AMPD2: variants seen among roughly 807,000 people sequenced by gnomAD.
AMPD2 encodes the protein AMP deaminase 2.
AMPD2 carries 52 observed loss-of-function variants against 91.3 expected under a neutral mutation model. The ratio of observed to expected loss-of-function variants is 0.57; its 90% CI spans 0.46 to 0.72. The LOEUF (loss-of-function observed/expected upper bound fraction) is 0.72, where lower values mean the gene tolerates loss of function less well. Among genes scored for constraint, AMPD2 ranks in the 30% least tolerant of loss-of-function variants. AMPD2 has a pLI of 0.00. For missense variants in AMPD2, 822 were observed against 1,122.3 expected, an observed-to-expected ratio of 0.73 and a Z score of 3.82; for synonymous variants, 455 against 456.4, an observed-to-expected ratio of 1.00 and a Z score of 0.04.
intron 2 of AMPD2, chr1:109,622,290 G>C (rs1218069020): frequency 4.4e-6 from 2 of 456,328 alleles, no homozygotes; most frequent in Non-Finnish European, 8.8e-6. Flanking sequence ...GCCCTGTTTG[G>C]TTCAGCAATA....
chr1:109,626,072 T>A (rs1650652414), intron 4 of AMPD2, 88 bp from the exon 5 acceptor site: 27 of 1,414,514 alleles, frequency 1.9e-5, no homozygotes, highest in Non-Finnish European at 2.6e-5. Context: ...TGTGACAACA[T>A]GTGCACAGCA....
rs778629440 is a variant in AMPD2, at chr1:109,624,374, C to T, written c.92-929C>T. Among the ~76,000 whole-genome samples the T allele has an allele frequency of 1.3e-5, 2 of 152,186 alleles. No individual in the cohort carries two copies. Among genetic ancestry groups the T allele is most frequent in the Non-Finnish European group, 2.9e-5 (2 of 68,018 alleles). On this transcript the variant is annotated intron_variant, in intron 2 of 18. Transcript: ENST00000528667. This position sits in a 1 kb window ranked among gnomAD's most constrained non-coding sequence, Gnocchi z 5.2. ...GCTGCTGAGCCCAGGGAGGGTCCTT[C>T]GGGGTAGGCTGGAAGCCTTGGCAGC...
At chr1:109,622,020 T>A (rs1650313983) in intron 2 of AMPD2, among the ~76,000 whole-genome samples, 1 of 152,236 alleles carries the variant, frequency 6.6e-6, no homozygotes, top group East Asian at 1.9e-4. Context: ...CCTGGCTCTG[T>A]GCTTGCAGAG....
chr1:109,628,204 C>A lies in AMPD2; in HGVS notation c.1202C>A (p.Thr401Lys). The A allele has an allele frequency of 1.9e-6, 3 of 1,614,042 alleles. No homozygotes were observed. The highest frequency in any genetic ancestry group is 2.5e-6 in the Non-Finnish European group (3 of 1,180,032). ...CACGTGGAGCAGGGCCGTGAACAGA[C>A]GCTGCGGGAGGTCTTTGAGAGCATG... ...IVHVEQGREQ[T>K]LREVFESMNL... Residue 401 changes from threonine (T) to lysine (K), a missense_variant, in exon 11 of 19, where the codon ACG becomes AAG. Transcript: ENST00000528667. The surrounding 1 kb of genome is among the most constrained non-coding windows in gnomAD (Gnocchi z 7.1).
chr1:109,627,139 A>G, intron 7 of AMPD2, 36 bp from the exon 8 acceptor site: 1 of 1,610,392 alleles, frequency 6.2e-7, no homozygotes, highest in Non-Finnish European at 8.5e-7. Context: ...GGCTTGGAAG[A>G]GCCCTGCTCT....
chr1:109,628,719 A>T lies in AMPD2; in HGVS notation c.1484A>T (p.Asp495Val). ...CTCTCCATTTACGGGCGCTCGAGGG[A>T]TGAGTGGGACAAGCTGGCGCGCTGG... ...LRLSIYGRSR[D>V]EWDKLARWAV... The change falls in exon 13 of 19, where the codon GAT becomes GTT. Residue 495 changes from aspartate (D) to valine (V), a missense_variant. By Grantham distance (152) the Asp-to-Val change is radical (BLOSUM62 -3). Transcript: ENST00000528667. This position sits in a 1 kb window ranked among gnomAD's most constrained non-coding sequence, Gnocchi z 7.1. 5 of 1,612,434 alleles carry T rather than the reference A, an allele frequency of 3.1e-6. No individual in the cohort carries two copies. Among genetic ancestry groups the T allele is most frequent in the Non-Finnish European group, 4.2e-6 (5 of 1,179,262 alleles).
rs1651070153 is a variant in AMPD2, at chr1:109,629,933, C to T, written c.1983+17C>T. The T allele has an allele frequency of 1.9e-6, 3 of 1,581,278 alleles. No homozygotes were observed. The highest frequency in any genetic ancestry group is 1.3e-5 in the African/African-American group (1 of 74,146). On this transcript the variant is annotated intron_variant, in intron 16 of 18. Transcript: ENST00000528667. ...CTGCGCAAGGTCAGGATCTGCACCCCTAGCCTTCCCTCCCAATTGTTCACC... is the reference window on the plus strand; with the variant it reads ...CTGCGCAAGGTCAGGATCTGCACCCTTAGCCTTCCCTCCCAATTGTTCACC...
chr1:109,621,376 G>C lies in AMPD2; in HGVS notation c.91+110G>C, dbSNP rs772722647. 2.4e-6 allele frequency: 3 copies of C among 1,271,202 alleles called. No homozygotes were observed. The East Asian group carries it at 7.6e-5, about 32-fold the overall frequency. The allele number at this position is 1,271,202 out of a possible 1,614,324, so 78.7% of individuals were successfully genotyped here. A position where few individuals can be genotyped will look rare whatever the true frequency, so the allele number is the denominator to read the frequency against. On this transcript the variant is annotated intron_variant, in intron 2 of 18. Transcript: ENST00000528667. ...GGCCACCTCCTCCGGCATCCTCTCTGTGGTGGTGCCCCTCAACCTCAGTCC... is the reference window on the plus strand; with the variant it reads ...GGCCACCTCCTCCGGCATCCTCTCTCTGGTGGTGCCCCTCAACCTCAGTCC...
At chr1:109,630,902 GC>G (rs1280159032) in intron 18 of AMPD2, 40 bp from the exon 19 acceptor site, 9 of 1,609,514 alleles carry the variant, frequency 5.6e-6, no homozygotes, top group Non-Finnish European at 6.8e-6. Flanking sequence ...TGACCCCTCA[GC>G]ACTGGCTGCA....
At position 109,628,168 on chromosome 1, in the gene AMPD2, A is replaced by T; in HGVS notation, c.1166A>T (p.Glu389Val). ...AAGCGGGCAATGAAGCGGCACCTGG[A>T]GGAGATCGTGCACGTGGAGCAGGGC... Reference protein sequence around the residue: ...FIKRAMKRHLEEIVHVEQGRE... With the variant: ...FIKRAMKRHLVEIVHVEQGRE... The change falls in exon 11 of 19, where the codon GAG becomes GTG. Residue 389 changes from glutamate to valine, a missense_variant. Around this residue, in one of 5 missense-constraint regions of AMPD2, gnomAD observed 430 missense variants for 606.0 expected, o/e 0.71. Transcript: ENST00000528667. The surrounding 1 kb of genome is among the most constrained non-coding windows in gnomAD (Gnocchi z 7.1). 1 of 1,614,100 alleles carries T rather than the reference A, an allele frequency of 6.2e-7. No homozygotes were observed. The highest frequency in any genetic ancestry group is 8.5e-7 in the Non-Finnish European group (1 of 1,180,040).
chr1:109,627,804 C>T lies in AMPD2; in HGVS notation c.981C>T (p.Tyr327=), dbSNP rs763166818. Residue 327 remains tyrosine (Y), a synonymous_variant, in exon 10 of 19, where the codon TAC becomes TAT. Coordinates refer to ENST00000528667, the MANE Select transcript of AMPD2 (RefSeq NM_001368809.2). Reference sequence around the variant, plus strand: ...CATTCTGCTACCGCCGGCTGCAGTACCTGAGCTCCAAGTTCCAGATGCATG... The same window carrying T: ...CATTCTGCTACCGCCGGCTGCAGTATCTGAGCTCCAAGTTCCAGATGCATG... The part of the protein sequence containing the change: ...IKSFCYRRLQ[Y]LSSKFQMHVL... 20 of 1,614,182 alleles carry T rather than the reference C, an allele frequency of 1.2e-5. No homozygotes were observed. The highest frequency in any genetic ancestry group is 4.5e-5 in the East Asian group (2 of 44,886).
chr1:109,626,254 G>A, intron 5 of AMPD2, 26 bp downstream of exon 5: 1 of 1,613,834 alleles, frequency 6.2e-7, no homozygotes, highest in African/African-American at 1.3e-5. Flanking sequence ...GGGCACAGGG[G>A]ATGCGGAGCT....
Position 109,628,074 on chromosome 1 carries a change from C to A in AMPD2, c.1081-9C>A. ...TCTGGTGGATCAGCAGTGCCCTGTT[C>A]CATTCCAGGTGGACACCCACATCCA... On this transcript the variant is annotated splice_polypyrimidine_tract_variant and intron_variant, in intron 10 of 18. Transcript: ENST00000528667. The surrounding 1 kb of genome is among the most constrained non-coding windows in gnomAD (Gnocchi z 7.1). 1 of 1,612,010 alleles carries A rather than the reference C, an allele frequency of 6.2e-7. No homozygotes were observed. The highest frequency in any genetic ancestry group is 1.1e-5 in the South Asian group (1 of 90,812).
rs191208203 is a variant in AMPD2, at chr1:109,625,218, G to A, written c.92-85G>A. The A allele has an allele frequency of 3.2e-5, 49 of 1,546,946 alleles. No homozygotes were observed. Among genetic ancestry groups the A allele is most frequent in the Non-Finnish European group, 3.5e-5 (40 of 1,143,256 alleles). ...CTCTTTCCCGACCCTGGGCTCTCTC[G>A]GGAGCTGGCCTAGGCAGGGCAGGGG... On this transcript the variant is annotated intron_variant, in intron 2 of 18. Coordinates refer to ENST00000528667, the MANE Select transcript of AMPD2 (RefSeq NM_001368809.2). This position sits in a 1 kb window ranked among gnomAD's most constrained non-coding sequence, Gnocchi z 4.0.
chr1:109,628,873 G>T lies in AMPD2; in HGVS notation c.1571+67G>T. On this transcript the variant is annotated intron_variant, in intron 13 of 18. Coordinates refer to ENST00000528667, the MANE Select transcript of AMPD2 (RefSeq NM_001368809.2). The surrounding 1 kb of genome is among the most constrained non-coding windows in gnomAD (Gnocchi z 7.1). The stretch of plus-strand genomic sequence containing the variant: ...TTCAAGGGGTCAGGGCCTGCCTCCT[G>T]CCCTCCTAGGATGGCTGAGCCTCCC... 6.6e-7 allele frequency: 1 copy of T among 1,509,538 alleles called. No individual in the cohort carries two copies. The allele number at this position is 1,509,538 out of a possible 1,614,324, so 93.5% of individuals were successfully genotyped here.
rs143970486 is a variant in AMPD2, at chr1:109,628,238, G to C, written c.1236G>C (p.Thr412=). ...LREVFESMNL[T]AYDLSVDTLD... ...AGGTCTTTGAGAGCATGAATCTCAC[G>C]GCCTACGACCTGAGTGTGGACACGC... Residue 412 remains threonine, a synonymous_variant, in exon 11 of 19, where the codon ACG becomes ACC. Transcript: ENST00000528667. The surrounding 1 kb of genome is among the most constrained non-coding windows in gnomAD (Gnocchi z 7.1). The C allele has an allele frequency of 1.2e-6, 2 of 1,613,998 alleles. No homozygotes were observed. The highest frequency in any genetic ancestry group is 1.7e-5 in the Admixed American group (1 of 60,026).
At chr1:109,621,915 C>A (rs780252920) in intron 2 of AMPD2, among the ~76,000 whole-genome samples, 8 of 152,346 alleles carry the variant, frequency 5.3e-5, no homozygotes, top group Non-Finnish European at 7.3e-5. Flanking sequence ...TGCTTCTGCA[C>A]CCTTTGGTTC....
In AMPD2 at chr1:109,628,963, C is replaced by T; in HGVS notation, c.1572-146C>T. 1 of 1,432,570 alleles carries T rather than the reference C, an allele frequency of 7.0e-7. No individual in the cohort carries two copies. The highest frequency in any genetic ancestry group is 9.3e-7 in the Non-Finnish European group (1 of 1,070,580). The allele number at this position is 1,432,570 out of a possible 1,614,324, so 88.7% of individuals were successfully genotyped here. ...CTGGTCCCATCCATGGTCTGTCCAGCCTGGCCCACCTGGGTATCCTTGCTT... is the reference window on the plus strand; with the variant it reads ...CTGGTCCCATCCATGGTCTGTCCAGTCTGGCCCACCTGGGTATCCTTGCTT... On this transcript the variant is annotated intron_variant, in intron 13 of 18. Transcript: ENST00000528667. This position sits in a 1 kb window ranked among gnomAD's most constrained non-coding sequence, Gnocchi z 7.1.
Position 109,621,166 on chromosome 1 carries a change from G to C in AMPD2, c.-10G>C. On this transcript the variant is annotated 5_prime_UTR_variant, in exon 2 of 19. Coordinates refer to ENST00000528667, the MANE Select transcript of AMPD2 (RefSeq NM_001368809.2). ...CAGACTCCCCCGCTGTCGCCGCCGT[G>C]GTCCCAGCCATGGCATCCTATCCAT... 6.2e-7 allele frequency: 1 copy of C among 1,600,552 alleles called. No homozygotes were observed. The highest frequency in any genetic ancestry group is 8.5e-7 in the Non-Finnish European group (1 of 1,173,026).
Sources: gnomAD v4.1 joint callset for allele counts (sites outside exome capture counted in the v4.1 genomes callset) on GRCh38, gnomAD v4.1.1 for gene constraint, gnomAD v4.1.1 regional missense constraint, Gnocchi (gnomAD v3.1) non-coding constraint, MANE v1.5 for transcripts, NCBI Gene and HGNC (gene_info 2026-07-23, HGNC 2026-07-21) for gene names.